KCNH5: variants seen among roughly 807,000 people sequenced by gnomAD.
The protein encoded by KCNH5 is potassium voltage-gated channel subfamily H member 5, also known as voltage-gated delayed rectifier potassium channel KCNH5.
In KCNH5, 46 loss-of-function variants were observed where a neutral mutation model predicts 96.1. The observed-to-expected ratio is 0.48, with a 90% CI of 0.38 to 0.61. KCNH5 has a LOEUF of 0.61. KCNH5 is among the 20% of genes least tolerant of loss of function. KCNH5 has a pLI of 0.00. For synonymous variants in KCNH5, 439 were observed against 449.8 expected (o/e 0.98, Z 0.30); for missense variants, 907 against 1,225.8 (o/e 0.74, Z 3.88).
intron 7 of KCNH5, among the ~76,000 whole-genome samples, chr14:62,870,116 T>A (rs994765261): frequency 4.0e-5 from 6 of 151,822 alleles, no homozygotes; most frequent in Admixed American, 1.3e-4. Context: ...TTTCTTTTCT[T>A]TATAAGTCTC....
chr14:63,032,153 C>A lies in KCNH5; in HGVS notation c.73+12961G>T, dbSNP rs769147336. ...TTTATAGATTTGCCAAGATCCAGGA[C>A]GGCATGTGAAGAAAGTCAGCTGCGT... is the stretch of plus-strand genomic sequence containing the variant. On this transcript the variant is annotated intron_variant, in intron 1 of 10. Coordinates refer to ENST00000322893, the MANE Select transcript of KCNH5 (RefSeq NM_139318.5). 2.0e-5 allele frequency among the ~76,000 whole-genome samples: 3 copies of A among 151,214 alleles called. No individual in the cohort carries two copies. The South Asian group carries it at 6.3e-4, about 32-fold the overall frequency.
intron 10 of KCNH5, among the ~76,000 whole-genome samples, chr14:62,747,467 T>C (rs1885401797): frequency 6.6e-6 from 1 of 152,224 alleles, no homozygotes; most frequent in Admixed American, 6.5e-5. Flanking sequence ...AACTGGAACA[T>C]ATTTGTATAA....
At chr14:62,954,735 G>A in intron 6 of KCNH5, among the ~76,000 whole-genome samples, 1 of 152,106 alleles carries the variant, frequency 6.6e-6, no homozygotes, top group Non-Finnish European at 1.5e-5. Context: ...ATTCGTAAAG[G>A]AAAAGAGGTT....
chr14:62,904,959 C>T (rs1888998736), intron 7 of KCNH5, among the ~76,000 whole-genome samples: 1 of 152,194 alleles, frequency 6.6e-6, no homozygotes, highest in South Asian at 2.1e-4. Flanking sequence ...ATAAAGGACA[C>T]TCATTTATAA....
In KCNH5 at chr14:62,708,279, G is replaced by T; in HGVS notation, c.2196C>A (p.Asn732Lys). 2 of 1,614,178 alleles carry T rather than the reference G, an allele frequency of 1.2e-6. No individual in the cohort carries two copies. Among genetic ancestry groups the T allele is most frequent in the Non-Finnish European group, 1.7e-6 (2 of 1,180,048 alleles). Reference protein sequence around the residue: ...QGSTQGDPERNQLQVESRSLQ... With the variant: ...QGSTQGDPERKQLQVESRSLQ... ...AGGAGCGGCTCTCTACCTGGAGTTGGTTCCTCTCAGGGTCACCCTGTGTTG... is the reference window on the plus strand; with the variant it reads ...AGGAGCGGCTCTCTACCTGGAGTTGTTTCCTCTCAGGGTCACCCTGTGTTG... The change falls in exon 11 of 11, where the codon AAC (asparagine) becomes AAA (lysine). Residue 732 changes from asparagine to lysine, a missense_variant. By Grantham distance (94) the Asn-to-Lys change is moderately conservative. This residue lies in a region of KCNH5 where 362 missense variants were observed against 394.4 expected (regional missense o/e 0.92). Coordinates refer to ENST00000322893, the MANE Select transcript of KCNH5 (RefSeq NM_139318.5).
At chr14:62,740,907 G>A (rs1210055948) in intron 10 of KCNH5, among the ~76,000 whole-genome samples, 1 of 152,102 alleles carries the variant, frequency 6.6e-6, no homozygotes, top group Non-Finnish European at 1.5e-5. Flanking sequence ...GCTTCTAACA[G>A]TTTCATTTCC....
intron 7 of KCNH5, among the ~76,000 whole-genome samples, chr14:62,877,198 A>G (rs1355076792): frequency 6.6e-6 from 1 of 151,964 alleles, no homozygotes; most frequent in Non-Finnish European, 1.5e-5. Context: ...TTAATTCAAG[A>G]TGGATTAAAG....
At chr14:62,948,107 T>C (rs1889928156) in intron 7 of KCNH5, among the ~76,000 whole-genome samples, 1 of 152,124 alleles carries the variant, frequency 6.6e-6, no homozygotes, top group Non-Finnish European at 1.5e-5. Context: ...GATAGTTTAC[T>C]GAGAATGATG....
intron 6 of KCNH5, among the ~76,000 whole-genome samples, chr14:62,975,287 T>C (rs1890479287): frequency 6.6e-6 from 1 of 152,146 alleles, no homozygotes; most frequent in South Asian, 2.1e-4. Context: ...TTAAAGCTGC[T>C]TGGGAATGAT....
intron 10 of KCNH5, among the ~76,000 whole-genome samples, chr14:62,748,270 G>C (rs539771924): frequency 6.7e-4 from 102 of 152,220 alleles, no homozygotes; most frequent in African/African-American, 2.2e-3. Flanking sequence ...CTGCTACAAG[G>C]GTTTGTGATA....
At chr14:62,893,122 G>T (rs938168280) in intron 7 of KCNH5, among the ~76,000 whole-genome samples, 2 of 152,168 alleles carry the variant, frequency 1.3e-5, no homozygotes, top group Admixed American at 6.5e-5. Context: ...CTTCTAGAAA[G>T]AATTCACCAT....
At chr14:62,767,771 T>G (rs912373967) in intron 10 of KCNH5, among the ~76,000 whole-genome samples, 6 of 152,064 alleles carry the variant, frequency 3.9e-5, no homozygotes, top group Non-Finnish European at 8.8e-5. Flanking sequence ...TGCATGCAAT[T>G]TTCCCATGTA....
intron 10 of KCNH5, among the ~76,000 whole-genome samples, chr14:62,748,454 C>T (rs556979514): frequency 3.9e-5 from 6 of 152,232 alleles, no homozygotes; most frequent in South Asian, 2.1e-4. Flanking sequence ...TCTAGAGGCT[C>T]GGAATGCCTA....
At chr14:62,884,795 T>C (rs1360680646) in intron 7 of KCNH5, among the ~76,000 whole-genome samples, 4 of 152,212 alleles carry the variant, frequency 2.6e-5, no homozygotes, top group African/African-American at 7.2e-5. Flanking sequence ...ATATTAAAGA[T>C]GAAAACATTT....
intron 10 of KCNH5, among the ~76,000 whole-genome samples, chr14:62,747,259 C>T (rs1233449095): frequency 1.3e-5 from 2 of 151,838 alleles, no homozygotes; most frequent in Non-Finnish European, 2.9e-5. Flanking sequence ...CGCTTGAATT[C>T]GGTAGGTAGA....
chr14:62,860,696 A>C (rs546411048), intron 7 of KCNH5, among the ~76,000 whole-genome samples: 1 of 152,202 alleles, frequency 6.6e-6, no homozygotes, highest in South Asian at 2.1e-4. Flanking sequence ...CCATCACTCT[A>C]AGCCCCCTTC....
chr14:62,820,123 G>T (rs1887084883), intron 8 of KCNH5, among the ~76,000 whole-genome samples: 1 of 152,162 alleles, frequency 6.6e-6, no homozygotes, highest in Admixed American at 6.6e-5. Flanking sequence ...TTTTGCAACA[G>T]GAAGCCAGCT....
intron 9 of KCNH5, among the ~76,000 whole-genome samples, chr14:62,791,298 T>C (rs944660406): frequency 1.3e-5 from 2 of 151,402 alleles, no homozygotes; most frequent in African/African-American, 4.8e-5. Context: ...AGGTTAAAAG[T>C]CAAAATGGTC....
intron 6 of KCNH5, among the ~76,000 whole-genome samples, chr14:62,958,284 T>C (rs1254791272): frequency 2.0e-5 from 3 of 152,200 alleles, no homozygotes; most frequent in Non-Finnish European, 4.4e-5. Context: ...ATAAATCTTA[T>C]AAATATTTCT....
Sources: gnomAD v4.1 joint callset for allele counts (sites outside exome capture counted in the v4.1 genomes callset) on GRCh38, gnomAD v4.1.1 for gene constraint, gnomAD v4.1.1 regional missense constraint, MANE v1.5 for transcripts, NCBI Gene and HGNC (gene_info 2026-07-23, HGNC 2026-07-21) for gene names.